DPYD: variants seen among roughly 807,000 people sequenced by gnomAD.
DPYD encodes dihydropyrimidine dehydrogenase [NADP(+)].
DPYD carries 109 observed loss-of-function variants against 116.2 expected under a neutral mutation model. The observed-to-expected ratio is 0.94, with a 90% CI of 0.80 to 1.10. DPYD has a LOEUF of 1.10. Ranked by LOEUF, DPYD falls within the 50% of genes least tolerant of loss-of-function variation. The probability of loss-of-function intolerance (pLI) is 0.00; values close to 1 mark genes in which losing one functional copy is unlikely to be tolerated. For missense variants in DPYD, 1,302 were observed against 1,254.5 expected (o/e 1.04, Z -0.57); for synonymous variants, 440 against 432.0 (o/e 1.02, Z -0.23).
chr1:97,746,407 T>C (rs114346430), intron 3 of DPYD, among the ~76,000 whole-genome samples: 1,726 of 152,156 alleles, frequency 0.011, 28 homozygotes, highest in African/African-American at 0.039. Context: ...ATCAAGTACT[T>C]TGTGCTGTCT....
intron 4 of DPYD, among the ~76,000 whole-genome samples, chr1:97,727,235 A>T (rs1198585530): frequency 6.6e-6 from 1 of 151,754 alleles, no homozygotes; most frequent in Non-Finnish European, 1.5e-5. Context: ...CTTGTCTAAG[A>T]TAAGAGAGAA....
intron 3 of DPYD, among the ~76,000 whole-genome samples, chr1:97,757,627 A>G (rs1438262765): frequency 6.6e-6 from 1 of 152,192 alleles, no homozygotes; most frequent in African/African-American, 2.4e-5. Flanking sequence ...TTAGAAGGTA[A>G]TTTACCTCCC....
At chr1:97,107,799 A>G (rs1285601054) in intron 20 of DPYD, among the ~76,000 whole-genome samples, 1 of 152,028 alleles carries the variant, frequency 6.6e-6, no homozygotes, top group Non-Finnish European at 1.5e-5. Context: ...AGTCCTCACA[A>G]AGTTTTGTAT....
chr1:97,751,347 T>C (rs1664867115), intron 3 of DPYD, among the ~76,000 whole-genome samples: 1 of 146,396 alleles, frequency 6.8e-6, no homozygotes, highest in South Asian at 2.1e-4. Flanking sequence ...TATCTATACA[T>C]ATATACATAT....
chr1:97,427,340 C>T (rs1443916715), intron 14 of DPYD, among the ~76,000 whole-genome samples: 3 of 151,820 alleles, frequency 2.0e-5, no homozygotes, highest in Non-Finnish European at 4.4e-5. Flanking sequence ...CAACATAAAC[C>T]TACTCTTATT....
chr1:97,284,906 G>A (rs576509080), intron 18 of DPYD, among the ~76,000 whole-genome samples: 68 of 152,100 alleles, frequency 4.5e-4, no homozygotes, highest in African/African-American at 1.5e-3. Flanking sequence ...CATTTCCCAC[G>A]TATTTTCCTA....
At chr1:97,919,686 G>A (rs1674403552) in intron 1 of DPYD, among the ~76,000 whole-genome samples, 1 of 152,150 alleles carries the variant, frequency 6.6e-6, no homozygotes, top group South Asian at 2.1e-4. Flanking sequence ...CCTGCACACA[G>A]ATGAACAACT....
intron 14 of DPYD, among the ~76,000 whole-genome samples, chr1:97,385,233 G>T (rs1274422499): frequency 7.9e-6 from 1 of 127,324 alleles, no homozygotes; most frequent in Admixed American, 9.6e-5. Context: ...GAGGGCACCA[G>T]ATCTTCCAGG....
At chr1:97,897,856 G>C (rs1459355383) in intron 1 of DPYD, among the ~76,000 whole-genome samples, 1 of 151,772 alleles carries the variant, frequency 6.6e-6, no homozygotes, top group Non-Finnish European at 1.5e-5. Flanking sequence ...CTCATTATGG[G>C]TGGTATTTTC....
chr1:97,720,794 C>A, intron 5 of DPYD: 2 of 1,545,304 alleles, frequency 1.3e-6, no homozygotes, highest in Middle Eastern at 1.7e-4. Flanking sequence ...TTCATATAAG[C>A]TGATCATTTA....
At chr1:97,859,357 C>T (rs1259076943) in intron 2 of DPYD, among the ~76,000 whole-genome samples, 2 of 152,096 alleles carry the variant, frequency 1.3e-5, no homozygotes, top group African/African-American at 2.4e-5. Flanking sequence ...GAATGATCAA[C>T]CTGGAGATTC....
chr1:97,131,509 T>C (rs369514557), intron 20 of DPYD, among the ~76,000 whole-genome samples: 3 of 150,352 alleles, frequency 2.0e-5, no homozygotes, highest in Non-Finnish European at 3.0e-5. Flanking sequence ...AAGAAGAAGA[T>C]CAAAGAGCAT....
At chr1:97,084,671 T>C (rs1649391216) in intron 21 of DPYD, among the ~76,000 whole-genome samples, 1 of 152,190 alleles carries the variant, frequency 6.6e-6, no homozygotes, top group Non-Finnish European at 1.5e-5. Context: ...CCCAATTAAG[T>C]AAATGATGAA....
intron 12 of DPYD, among the ~76,000 whole-genome samples, chr1:97,539,578 G>T (rs1650274040): frequency 6.6e-6 from 1 of 151,978 alleles, no homozygotes; most frequent in African/African-American, 2.4e-5. Context: ...AAATACTGTG[G>T]CTTTTTAAAC....
chr1:97,420,037 A>AG (rs1261040306), intron 14 of DPYD: 1 of 152,216 alleles, frequency 6.6e-6, no homozygotes, highest in Non-Finnish European at 1.5e-5. Flanking sequence ...GAAAACCACA[A>AG]GGGACAGTAG....
chr1:97,854,852 C>T (rs4367807), intron 2 of DPYD, among the ~76,000 whole-genome samples: 148,524 of 152,236 alleles, frequency 0.98, 72,572 homozygotes, highest in Middle Eastern at 1. Flanking sequence ...GGCCACAGAA[C>T]GAAAAGTTTA....
At chr1:97,128,790 T>A (rs1653047327) in intron 20 of DPYD, among the ~76,000 whole-genome samples, 2 of 152,160 alleles carry the variant, frequency 1.3e-5, no homozygotes, top group Non-Finnish European at 2.9e-5. Context: ...GTATTTTTGT[T>A]TTTTGCTTTT....
chr1:97,186,785 T>G (rs1658020661), intron 20 of DPYD, among the ~76,000 whole-genome samples: 1 of 152,068 alleles, frequency 6.6e-6, no homozygotes, highest in African/African-American at 2.4e-5. Flanking sequence ...AGAGGCAGGG[T>G]TGCAGTGAGC....
intron 20 of DPYD, among the ~76,000 whole-genome samples, chr1:97,190,996 C>T (rs930041383): frequency 1.3e-5 from 2 of 151,914 alleles, no homozygotes; most frequent in African/African-American, 4.8e-5. Context: ...ACTGTGAGGA[C>T]CAGCATACTA....
Sources: allele counts gnomAD v4.1 joint callset (sites outside exome capture counted in the v4.1 genomes callset), GRCh38; gene constraint gnomAD v4.1.1; transcripts MANE v1.5; gene names NCBI Gene and HGNC (gene_info 2026-07-23, HGNC 2026-07-21).